GABRB3: variants seen among roughly 807,000 people sequenced by gnomAD.
GABRB3 encodes the protein gamma-aminobutyric acid type A receptor subunit beta3.
A neutral mutation model predicts 52.1 loss-of-function variants in GABRB3; 14 were observed. The observed-to-expected ratio is 0.27, with a 90% CI of 0.18 to 0.42. The LOEUF (loss-of-function observed/expected upper bound fraction) is 0.42. GABRB3 is among the 10% of genes least tolerant of loss of function. The probability of loss-of-function intolerance (pLI) is 1.00; values close to 1 mark genes in which losing one functional copy is unlikely to be tolerated. For synonymous variants in GABRB3, 260 were observed against 232.3 expected (o/e 1.12, Z -1.08); for missense variants, 307 against 609.1 (o/e 0.50, Z 5.22).
intron 7 of GABRB3, among the ~76,000 whole-genome samples, chr15:26,566,822 TC>T (rs1890195266): frequency 6.6e-6 from 1 of 152,208 alleles, no homozygotes; most frequent in South Asian, 2.1e-4. Context: ...TGTTGATAAT[TC>T]TTTTCCATCA....
At chr15:26,602,702 G>A (rs528070610) in intron 4 of GABRB3, among the ~76,000 whole-genome samples, 72 of 152,110 alleles carry the variant, frequency 4.7e-4, no homozygotes, top group Admixed American at 1.0e-3. Flanking sequence ...ACTGAAAAAT[G>A]TCTTGAAACA....
chr15:26,640,806 C>T (rs939157414), intron 3 of GABRB3, among the ~76,000 whole-genome samples: 5 of 152,216 alleles, frequency 3.3e-5, no homozygotes, highest in African/African-American at 1.2e-4. Context: ...GTCCAAACCT[C>T]CCATGAGTTT....
chr15:26,698,238 A>G (rs953774546), intron 3 of GABRB3, among the ~76,000 whole-genome samples: 1 of 152,240 alleles, frequency 6.6e-6, no homozygotes, highest in Non-Finnish European at 1.5e-5. Flanking sequence ...TGAGAATTAG[A>G]AACAGGGAGA....
chr15:26,670,448 G>A (rs1887860848), intron 3 of GABRB3, among the ~76,000 whole-genome samples: 1 of 152,298 alleles, frequency 6.6e-6, no homozygotes, highest in African/African-American at 2.4e-5. Flanking sequence ...GAGGCTGGGC[G>A]CAGAGGTGGC....
intron 3 of GABRB3, among the ~76,000 whole-genome samples, chr15:26,640,615 T>A (rs1455772765): frequency 6.6e-6 from 1 of 152,202 alleles, no homozygotes; most frequent in Non-Finnish European, 1.5e-5. Context: ...GTGAGTAAGG[T>A]TGGATATTAA....
intron 3 of GABRB3, among the ~76,000 whole-genome samples, chr15:26,753,450 T>A (rs1213362050): frequency 2.0e-5 from 3 of 152,156 alleles, no homozygotes; most frequent in African/African-American, 7.2e-5. Flanking sequence ...TAGGCAAGAC[T>A]GGGTGAATAA....
Position 26,679,925 on chromosome 15 carries a change from C to T in GABRB3, c.241-58391G>A, listed in dbSNP as rs543545292. On this transcript the variant is annotated intron_variant, in intron 3 of 8. Coordinates refer to ENST00000311550, the MANE Select transcript of GABRB3 (RefSeq NM_000814.6). ...GATTAACTTTCTTATTAGCATCTTC[C>T]CTCTATTTCTTTCATAATCTGGTGT... Among the ~76,000 whole-genome samples, 12 of 152,242 alleles carry T rather than the reference C, an allele frequency of 7.9e-5. No individual in the cohort carries two copies. In the South Asian group the frequency reaches 2.5e-3, roughly 32 times the overall value.
At chr15:26,655,934 G>C (rs1276983345) in intron 3 of GABRB3, among the ~76,000 whole-genome samples, 1 of 151,922 alleles carries the variant, frequency 6.6e-6, no homozygotes, top group Non-Finnish European at 1.5e-5. Context: ...TTGTTTTTTT[G>C]AGGGTTGGAT....
intron 3 of GABRB3, among the ~76,000 whole-genome samples, chr15:26,634,208 C>T (rs1892982299): frequency 1.3e-5 from 2 of 152,162 alleles, no homozygotes; most frequent in African/African-American, 2.4e-5. Context: ...ATTCTACTTT[C>T]CTGGGATTTG....
intron 3 of GABRB3, among the ~76,000 whole-genome samples, chr15:26,730,043 A>G (rs1889867472): frequency 1.3e-5 from 2 of 152,234 alleles, no homozygotes; most frequent in South Asian, 4.1e-4. Flanking sequence ...GGCAGAAGCA[A>G]TATCATCTCT....
At chr15:26,603,169 C>T (rs7170355) in intron 4 of GABRB3, among the ~76,000 whole-genome samples, 121,941 of 151,840 alleles carry the variant, frequency 0.8, 50,707 homozygotes, top group East Asian at 1. Flanking sequence ...CTAAAAGAAA[C>T]TGATAAATTT....
In GABRB3 at chr15:26,763,607, T is replaced by TACACACACACACACACACACAC. The variant is rs150301275; in HGVS notation, c.240+8773_240+8794dup. 7.5e-3 allele frequency among the ~76,000 whole-genome samples: 1,095 copies of TACACACACACACACACACACAC among 145,932 alleles called. 7 individuals are homozygous for TACACACACACACACACACACAC. Among genetic ancestry groups the TACACACACACACACACACACAC allele is most frequent in the Non-Finnish European group, 0.012 (780 of 66,776 alleles). On this transcript the variant is annotated intron_variant, in intron 3 of 8. Transcript: ENST00000311550. ...CACAACCATTTTTGGTCTGCATAGA[T>TACACACACACACACACACACAC]ACACACACACACACACACACACACA...
At chr15:26,653,144 A>G (rs1352706819) in intron 3 of GABRB3, among the ~76,000 whole-genome samples, 2 of 152,206 alleles carry the variant, frequency 1.3e-5, no homozygotes, top group Non-Finnish European at 2.9e-5. Context: ...AATAAGATGG[A>G]TAACAGACCT....
intron 3 of GABRB3, among the ~76,000 whole-genome samples, chr15:26,633,509 T>A (rs1041841240): frequency 5.3e-5 from 8 of 152,208 alleles, no homozygotes; most frequent in African/African-American, 1.9e-4. Context: ...TCCACCTGAA[T>A]TGACTCTCCC....
At chr15:26,570,218 T>C (rs1890342710) in intron 6 of GABRB3, among the ~76,000 whole-genome samples, 1 of 152,166 alleles carries the variant, frequency 6.6e-6, no homozygotes, top group Admixed American at 6.5e-5. Flanking sequence ...TATTTCAGAG[T>C]TTGACATGAG....
At chr15:26,733,419 A>G (rs1256679068) in intron 3 of GABRB3, among the ~76,000 whole-genome samples, 1 of 152,190 alleles carries the variant, frequency 6.6e-6, no homozygotes, top group East Asian at 1.9e-4. Context: ...ATGATACAAT[A>G]AAAAATAATA....
chr15:26,581,657 C>A (rs559752399), intron 5 of GABRB3, among the ~76,000 whole-genome samples: 1 of 152,186 alleles, frequency 6.6e-6, no homozygotes, highest in Admixed American at 6.5e-5. Flanking sequence ...CTGCCCAGGG[C>A]TCCTGGGTCC....
intron 6 of GABRB3, among the ~76,000 whole-genome samples, chr15:26,573,545 T>A (rs1364112233): frequency 6.6e-6 from 1 of 152,208 alleles, no homozygotes; most frequent in African/African-American, 2.4e-5. Context: ...AGCCTCTCCA[T>A]TATTTGGGAT....
intron 3 of GABRB3, among the ~76,000 whole-genome samples, chr15:26,729,068 T>C (rs373800878): frequency 2.6e-4 from 40 of 152,242 alleles, no homozygotes; most frequent in South Asian, 1.0e-3. Context: ...TTCACCTGTT[T>C]TAAAAATATA....
Sources: allele counts gnomAD v4.1 joint callset (sites outside exome capture counted in the v4.1 genomes callset), GRCh38; gene constraint gnomAD v4.1.1; transcripts MANE v1.5; gene names NCBI Gene and HGNC (gene_info 2026-07-23, HGNC 2026-07-21).